The following FBLN5 variants were observed in gnomAD, a reference collection of about 807,000 sequenced individuals.
The protein encoded by FBLN5 is fibulin-5.
In FBLN5, 24 loss-of-function variants were observed where a neutral mutation model predicts 61.6. The observed-to-expected ratio is 0.39, with a 90% confidence interval of 0.28 to 0.55. The LOEUF (loss-of-function observed/expected upper bound fraction) is 0.55, where lower values mean the gene tolerates loss of function less well. Among genes scored for constraint, FBLN5 ranks in the 20% least tolerant of loss-of-function variants. The probability of loss-of-function intolerance (pLI) is 0.65; values close to 1 mark genes in which losing one functional copy is unlikely to be tolerated. For synonymous variants in FBLN5, 213 were observed against 219.8 expected (o/e 0.97, Z 0.27); for missense variants, 470 against 594.1 (o/e 0.79, Z 2.17).
chr14:91,900,160 A>G (rs1331596219), intron 4 of FBLN5, among the ~76,000 whole-genome samples: 2 of 152,216 alleles, frequency 1.3e-5, no homozygotes, highest in Non-Finnish European at 2.9e-5. Flanking sequence ...CTCAGAAAAC[A>G]TCACACAACC....
chr14:91,902,915 T>C (rs991979189), intron 4 of FBLN5, among the ~76,000 whole-genome samples: 10 of 152,066 alleles, frequency 6.6e-5, no homozygotes, highest in Non-Finnish European at 8.8e-5. Context: ...ACAATAGACA[T>C]TGGGGACTAC....
At chr14:91,910,352 G>A (rs976634423) in intron 4 of FBLN5, among the ~76,000 whole-genome samples, 4 of 152,146 alleles carry the variant, frequency 2.6e-5, no homozygotes, top group Non-Finnish European at 5.9e-5. Flanking sequence ...AAGTAGAATG[G>A]TGGTTATCAC....
In FBLN5 at chr14:91,947,521, T is replaced by A. The variant is rs960620228; in HGVS notation, c.-292A>T. ...ATGAACACTTCATTTTCTAAGTATG[T>A]TAAACAATGCAAATGGGGCCTCAGT... On this transcript the variant is annotated 5_prime_UTR_variant, in exon 1 of 11. Transcript: ENST00000342058. This position sits in a 1 kb window ranked among gnomAD's most constrained non-coding sequence, Gnocchi z 4.3. The A allele has an allele frequency of 8.9e-6, 5 of 560,106 alleles. No homozygotes were observed. Among genetic ancestry groups the A allele is most frequent in the Non-Finnish European group, 1.6e-5 (5 of 313,216 alleles). The allele number at this position is 560,106 out of a possible 1,614,324, so 34.7% of individuals were successfully genotyped here. A position where few individuals can be genotyped will look rare whatever the true frequency, so the allele number is the denominator to read the frequency against.
At chr14:91,880,512 TGG>T (rs1366037108) in intron 9 of FBLN5, among the ~76,000 whole-genome samples, 1 of 139,646 alleles carries the variant, frequency 7.2e-6, no homozygotes, top group East Asian at 2.1e-4. Flanking sequence ...GAGAACTCTG[TGG>T]GAGTGTGCGT....
chr14:91,923,807 A>G (rs1034672170), intron 4 of FBLN5, among the ~76,000 whole-genome samples: 3 of 152,122 alleles, frequency 2.0e-5, no homozygotes, highest in African/African-American at 7.2e-5. Context: ...AGACCCTCCT[A>G]GCCCTTGGCA....
At chr14:91,884,543 C>T (rs78688216) in intron 7 of FBLN5, among the ~76,000 whole-genome samples, 25 of 152,342 alleles carry the variant, frequency 1.6e-4, no homozygotes, top group African/African-American at 5.5e-4. Flanking sequence ...TGCTATCACT[C>T]TCCATATTTT....
Position 91,870,432 on chromosome 14 carries a change from G to A in FBLN5, c.1186-47C>T, listed in dbSNP as rs200703380. On this transcript the variant is annotated intron_variant, in intron 10 of 10. Transcript: ENST00000342058. Reference sequence around the variant, plus strand: ...ACCAGTGAGAAAAGGCCTGCATGGTGGCCCTGCAGCCCCACCTGGGCGCTC... The same window carrying A: ...ACCAGTGAGAAAAGGCCTGCATGGTAGCCCTGCAGCCCCACCTGGGCGCTC... 58 of 1,600,980 alleles carry A rather than the reference G, an allele frequency of 3.6e-5. No homozygotes were observed. In the East Asian group the frequency reaches 9.4e-4, roughly 26 times the overall value.
chr14:91,927,542 T>C (rs997740328), intron 4 of FBLN5, among the ~76,000 whole-genome samples: 1 of 152,268 alleles, frequency 6.6e-6, no homozygotes, highest in Non-Finnish European at 1.5e-5. Context: ...ACAAAAGAGA[T>C]GGTGTGATCA....
At chr14:91,887,459 G>A in intron 6 of FBLN5, 147 bp from the exon 7 acceptor site, 1 of 834,806 alleles carries the variant, frequency 1.2e-6, no homozygotes, top group South Asian at 1.4e-5. Context: ...ACCTTTGGGA[G>A]CATGATCTTA....
At chr14:91,894,841 C>CCACA in intron 5 of FBLN5, 109 bp downstream of exon 5, 1 of 563,076 alleles carries the variant, frequency 1.8e-6, no homozygotes, top group Non-Finnish European at 3.1e-6. Flanking sequence ...CCCTCCCTAG[C>CCACA]AAAGAAAAGC....
Position 91,870,095 on chromosome 14 carries a change from G to A in FBLN5, c.*129C>T. ...AGGTGAGAGTCAGGAAGTCGGGGCT[G>A]ACTCTTCGGGGAAACGTTCAGCAGG... On this transcript the variant is annotated 3_prime_UTR_variant, in exon 11 of 11. Transcript: ENST00000342058. 1.0e-6 allele frequency: 1 copy of A among 992,038 alleles called. No homozygotes were observed. Among genetic ancestry groups the A allele is most frequent in the Non-Finnish European group, 1.6e-6 (1 of 642,240 alleles). 61.5% of individuals were successfully genotyped at this position (992,038 alleles called of 1,614,324 possible).
chr14:91,877,103 A>G (rs1031059312), intron 10 of FBLN5, among the ~76,000 whole-genome samples: 8 of 152,046 alleles, frequency 5.3e-5, no homozygotes, highest in Non-Finnish European at 1.0e-4. Context: ...TTGGCCTCTC[A>G]AAGTGCTGGG....
At chr14:91,932,689 G>A (rs539960178) in intron 4 of FBLN5, among the ~76,000 whole-genome samples, 146 of 152,334 alleles carry the variant, frequency 9.6e-4, no homozygotes, top group Non-Finnish European at 1.7e-3. Context: ...AGATCTATGA[G>A]CAGCTTACAA....
intron 4 of FBLN5, among the ~76,000 whole-genome samples, chr14:91,902,279 TTG>T (rs869236775): frequency 0.31 from 25,729 of 84,210 alleles, 2,381 homozygotes; most frequent in Admixed American, 0.41. Context: ...GTTTGTTTGT[TTG>T]TTTTTTTTTT....
intron 6 of FBLN5, 146 bp downstream of exon 6, chr14:91,891,075 T>C (rs1889973440): frequency 1.4e-6 from 1 of 711,642 alleles, no homozygotes; most frequent in South Asian, 1.5e-5. Flanking sequence ...CTCACGTTTC[T>C]GTAGTAATGG....
At chr14:91,897,024 A>T (rs1417006821) in intron 4 of FBLN5, among the ~76,000 whole-genome samples, 1 of 152,156 alleles carries the variant, frequency 6.6e-6, no homozygotes, top group South Asian at 2.1e-4. Flanking sequence ...CACCTGCAAC[A>T]GCCCAACACT....
chr14:91,926,088 G>A (rs2140031151), intron 4 of FBLN5, among the ~76,000 whole-genome samples: 1 of 152,308 alleles, frequency 6.6e-6, no homozygotes, highest in Admixed American at 6.5e-5. Context: ...TCTGCCAGAT[G>A]CTGTGGATAA....
chr14:91,900,960 C>T (rs1470288081), intron 4 of FBLN5, among the ~76,000 whole-genome samples: 2 of 152,302 alleles, frequency 1.3e-5, no homozygotes, highest in East Asian at 1.9e-4. Flanking sequence ...GATTCAACTA[C>T]AGCCAAAGCC....
chr14:91,947,316 T>A lies in FBLN5; in HGVS notation c.-87A>T. 6.6e-7 allele frequency: 1 copy of A among 1,505,396 alleles called. No homozygotes were observed. Among genetic ancestry groups the A allele is most frequent in the Non-Finnish European group, 9.2e-7 (1 of 1,082,848 alleles). 93.3% of individuals were successfully genotyped at this position (1,505,396 alleles called of 1,614,324 possible). On this transcript the variant is annotated 5_prime_UTR_variant, in exon 1 of 11. Transcript: ENST00000342058. This position sits in a 1 kb window ranked among gnomAD's most constrained non-coding sequence, Gnocchi z 4.3. ...GAGGAGCTCGGGCACGTCGGCCTCC[T>A]CTGGGCCCTCGGGGCTCGCGGGTGT...
Sources: gnomAD v4.1 joint callset for allele counts (sites outside exome capture counted in the v4.1 genomes callset) on GRCh38, gnomAD v4.1.1 for gene constraint, Gnocchi (gnomAD v3.1) non-coding constraint, MANE v1.5 for transcripts, NCBI Gene and HGNC (gene_info 2026-07-23, HGNC 2026-07-21) for gene names.